Variants in CCDC180 observed in about 807,000 individuals in gnomAD.
CCDC180 encodes the protein coiled-coil domain containing 180.
Under a neutral mutation model 209.2 loss-of-function variants are expected in CCDC180, and 154 were observed. That is an observed-to-expected ratio of 0.74 (90% CI 0.65 to 0.84). The LOEUF (loss-of-function observed/expected upper bound fraction) is 0.84. Ranked by LOEUF, CCDC180 falls within the 40% of genes least tolerant of loss-of-function variation. The pLI is 0.00. For missense variants in CCDC180, 1,874 were observed against 1,997.3 expected (o/e 0.94, Z 1.18); for synonymous variants, 778 against 749.1 (o/e 1.04, Z -0.63).
In CCDC180 at chr9:97,324,048, C is replaced by T. The variant is rs965639344; in HGVS notation, c.1371+145C>T. On this transcript the variant is annotated intron_variant, in intron 13 of 36. Coordinates refer to ENST00000529487, the MANE Select transcript of CCDC180 (RefSeq NM_020893.6). ...CCTTGTCAGCCCCTCTCAGAGTAGCCCCCTTACGCTGGCCACTCCAAGCTC... is the reference window on the plus strand; with the variant it reads ...CCTTGTCAGCCCCTCTCAGAGTAGCTCCCTTACGCTGGCCACTCCAAGCTC... 1.0e-5 allele frequency: 10 copies of T among 971,526 alleles called. No individual in the cohort carries two copies. The African/African-American group carries it at 1.7e-4, about 16-fold the overall frequency. The allele number at this position is 971,526 out of a possible 1,614,324, so 60.2% of individuals were successfully genotyped here.
In CCDC180 at chr9:97,376,935, T is replaced by TC; in HGVS notation, c.*43dup. 2.5e-6 allele frequency: 4 copies of TC among 1,580,826 alleles called. No individual in the cohort carries two copies. The South Asian group carries it at 3.4e-5, about 13-fold the overall frequency. On this transcript the variant is annotated 3_prime_UTR_variant, in exon 37 of 37. Coordinates refer to ENST00000529487, the MANE Select transcript of CCDC180 (RefSeq NM_020893.6). ...TGAATAAACACTTTCTTATACAGACTCCTTCCCTGTCCATCTACCTGCCTA... is the reference window on the plus strand; with the variant it reads ...TGAATAAACACTTTCTTATACAGACTCCCTTCCCTGTCCATCTACCTGCCTA...
chr9:97,375,474 C>T lies in CCDC180; in HGVS notation c.4727C>T (p.Pro1576Leu). 6.2e-7 allele frequency: 1 copy of T among 1,614,194 alleles called. No individual in the cohort carries two copies. Among genetic ancestry groups the T allele is most frequent in the Admixed American group, 1.7e-5 (1 of 60,032 alleles). Reference protein sequence around the residue: ...RGSRKWPGIKPTEVTIQNKIL... With the variant: ...RGSRKWPGIKLTEVTIQNKIL... ...TGTAGGAAGTGGCCAGGGATCAAAC[C>T]CACCGAAGTCACCATCCAAAACAAG... is the stretch of plus-strand genomic sequence containing the variant. The change falls in exon 36 of 37, where the codon CCC becomes CTC. Residue 1576 changes from proline (P) to leucine (L), a missense_variant. Pro to Leu is a moderately conservative substitution (Grantham distance 98). Coordinates refer to ENST00000529487, the MANE Select transcript of CCDC180 (RefSeq NM_020893.6).
rs184995687 is a variant in CCDC180 at position 97,346,298 on chromosome 9, C to T, written c.2499-1016C>T. ...TTATTCTTGGCTCTTTGTATTTCTA[C>T]ATAATTTTTAAAATTAGCTCAAGTT... On this transcript the variant is annotated intron_variant, in intron 19 of 36. Coordinates refer to ENST00000529487, the MANE Select transcript of CCDC180 (RefSeq NM_020893.6). Among the ~76,000 whole-genome samples, 14 of 152,316 alleles carry T rather than the reference C, an allele frequency of 9.2e-5. No homozygotes were observed. The East Asian group carries it at 2.5e-3, about 27-fold the overall frequency.
At chr9:97,352,055 G>A (rs770216222) in intron 22 of CCDC180, among the ~76,000 whole-genome samples, 4 of 152,090 alleles carry the variant, frequency 2.6e-5, no homozygotes, top group Non-Finnish European at 4.4e-5. Flanking sequence ...GGAGGTTGCC[G>A]TGAGCTGAGA....
At chr9:97,345,437 A>G (rs1201604201) in intron 19 of CCDC180, among the ~76,000 whole-genome samples, 7 of 152,146 alleles carry the variant, frequency 4.6e-5, no homozygotes, top group Non-Finnish European at 2.9e-5. Context: ...TGTGGTTTTA[A>G]TATGTATTCT....
intron 18 of CCDC180, among the ~76,000 whole-genome samples, chr9:97,331,556 A>G (rs1825751173): frequency 6.6e-6 from 1 of 152,328 alleles, no homozygotes; most frequent in Admixed American, 6.5e-5. Context: ...CAATCTTGCC[A>G]GCATCTGTTG....
chr9:97,340,790 A>G (rs1339476153), intron 18 of CCDC180, among the ~76,000 whole-genome samples: 1 of 152,154 alleles, frequency 6.6e-6, no homozygotes, highest in East Asian at 1.9e-4. Context: ...TTAGCAGACC[A>G]GGAAAGGGAG....
At chr9:97,328,393 T>TG (rs1400912453) in intron 16 of CCDC180, among the ~76,000 whole-genome samples, 1 of 152,194 alleles carries the variant, frequency 6.6e-6, no homozygotes, top group African/African-American at 2.4e-5. Flanking sequence ...TTAATTTATA[T>TG]GGTGCTTGGA....
Position 97,328,088 on chromosome 9 carries a change from T to C in CCDC180, c.1730T>C (p.Leu577Pro). ...MEYPAIMLKE[L>P]NSYSSALSQY... ...TACCCAGCGATCATGCTGAAAGAAC[T>C]CAACTCCTACAGCTCTGCCCTCAGC... The change falls in exon 16 of 37, where the codon CTC (leucine) becomes CCC (proline). Residue 577 changes from leucine (L) to proline (P), a missense_variant. Physicochemically the swap from Leu to Pro is moderately conservative, Grantham distance 98. Transcript: ENST00000529487. The C allele has an allele frequency of 6.2e-7, 1 of 1,614,048 alleles. No individual in the cohort carries two copies. The highest frequency in any genetic ancestry group is 1.3e-5 in the African/African-American group (1 of 75,020).
At chr9:97,324,484 C>T (rs1470178544) in intron 13 of CCDC180, among the ~76,000 whole-genome samples, 1 of 152,222 alleles carries the variant, frequency 6.6e-6, no homozygotes, top group African/African-American at 2.4e-5. Context: ...CTGTGTGTAG[C>T]TCACAGGACC....
Position 97,312,110 on chromosome 9 carries a change from C to T in CCDC180, c.261-3C>T, listed in dbSNP as rs1402693876. 4.3e-6 allele frequency: 7 copies of T among 1,613,576 alleles called. No individual in the cohort carries two copies. Among genetic ancestry groups the T allele is most frequent in the Admixed American group, 1.7e-5 (1 of 59,992 alleles). On this transcript the variant is annotated splice_polypyrimidine_tract_variant and splice_region_variant and intron_variant, in intron 3 of 36. Transcript: ENST00000529487. ...ACTTCACTCTTCTCTGCTTGTGTCT[C>T]AGGGAAAAGGAAAGAGCCAAGAGGG...
intron 3 of CCDC180, among the ~76,000 whole-genome samples, chr9:97,310,845 C>T (rs1316704672): frequency 6.6e-6 from 1 of 152,196 alleles, no homozygotes; most frequent in Non-Finnish European, 1.5e-5. Context: ...GACTCGAGGT[C>T]AGTGTTCTCT....
At chr9:97,312,493 A>G (rs560289284) in intron 4 of CCDC180, among the ~76,000 whole-genome samples, 3 of 152,276 alleles carry the variant, frequency 2.0e-5, no homozygotes, top group Admixed American at 2.0e-4. Flanking sequence ...AGTATTTCTC[A>G]TCTGCATTTT....
chr9:97,338,774 T>G (rs903367712), intron 18 of CCDC180, among the ~76,000 whole-genome samples: 12 of 152,158 alleles, frequency 7.9e-5, no homozygotes. Context: ...AGTCTCCCAT[T>G]ATTATTGTGT....
Position 97,371,690 on chromosome 9 carries a change from C to G in CCDC180, c.4584C>G (p.Asp1528Glu). The G allele has an allele frequency of 6.3e-7, 1 of 1,596,492 alleles. No homozygotes were observed. Among genetic ancestry groups the G allele is most frequent in the South Asian group, 1.1e-5 (1 of 89,992 alleles). ...LLQLDEVVTI[D>E]DVQVARMEPP... The stretch of plus-strand genomic sequence containing the variant: ...AGTTGGATGAGGTGGTCACCATTGA[C>G]GATGTCCAGGTTGCAAGTAAGAGGC... The change falls in exon 34 of 37, where the codon GAC becomes GAG. Residue 1528 changes from aspartate (D) to glutamate (E), a missense_variant. Asp to Glu is a conservative substitution (Grantham distance 45, BLOSUM62 2). Transcript: ENST00000529487.
chr9:97,362,408 C>T lies in CCDC180; in HGVS notation c.3869C>T (p.Ala1290Val), dbSNP rs1826790084. The change falls in exon 28 of 37, where the codon GCT becomes GTT. Residue 1290 changes from alanine (A) to valine (V), a missense_variant. By Grantham distance (64) the Ala-to-Val change is moderately conservative (BLOSUM62 0). Transcript: ENST00000529487. ...RCQPENSGKK[A>V]VPSASATSAG... Reference sequence around the variant, plus strand: ...CAGCCAGAAAACTCTGGGAAGAAGGCTGTACCCAGTGCCAGTGCTACCTCT... The same window carrying T: ...CAGCCAGAAAACTCTGGGAAGAAGGTTGTACCCAGTGCCAGTGCTACCTCT... 2 of 1,614,168 alleles carry T rather than the reference C, an allele frequency of 1.2e-6. No homozygotes were observed. Among genetic ancestry groups the T allele is most frequent in the East Asian group, 2.2e-5 (1 of 44,884 alleles).
intron 11 of CCDC180, among the ~76,000 whole-genome samples, chr9:97,321,174 A>G (rs1467013420): frequency 6.6e-6 from 1 of 152,230 alleles, no homozygotes; most frequent in Non-Finnish European, 1.5e-5. Flanking sequence ...AGGCTAAGCC[A>G]TGATGTTTGG....
intron 31 of CCDC180, chr9:97,369,561 A>G (rs1564050): frequency 0.21 from 39,252 of 189,822 alleles, 4,672 homozygotes; most frequent in East Asian, 0.41. Flanking sequence ...GGCTTAAGCA[A>G]TCCTCCCACT....
intron 22 of CCDC180, 73 bp downstream of exon 22, chr9:97,350,628 T>A: frequency 6.9e-7 from 1 of 1,459,288 alleles, no homozygotes; most frequent in Non-Finnish European, 9.1e-7. Flanking sequence ...GTTTCCCCCT[T>A]AATTTTTAGT....
Sources: allele counts gnomAD v4.1 joint callset (sites outside exome capture counted in the v4.1 genomes callset), GRCh38; gene constraint gnomAD v4.1.1; transcripts MANE v1.5; gene names NCBI Gene and HGNC (gene_info 2026-07-23, HGNC 2026-07-21).